Variants in PAFAH1B1 observed in about 807,000 individuals in gnomAD.
The protein encoded by PAFAH1B1 is platelet-activating factor acetylhydrolase IB subunit beta.
PAFAH1B1 carries 2 observed loss-of-function variants against 57.5 expected under a neutral mutation model. That is an observed-to-expected ratio of 0.03 (90% CI 0.01 to 0.11). The LOEUF is 0.11. PAFAH1B1 is among the 10% of genes least tolerant of loss of function. The pLI, the probability that PAFAH1B1 is intolerant of heterozygous loss-of-function variation, is 1.00. For synonymous variants in PAFAH1B1, 152 were observed against 169.6 expected (o/e 0.90, Z 0.81); for missense variants, 257 against 512.0 (o/e 0.50, Z 4.81).
At chr17:2,616,283 A>G (rs749496500) in intron 1 of PAFAH1B1, among the ~76,000 whole-genome samples, 1 of 152,162 alleles carries the variant, frequency 6.6e-6, no homozygotes, top group Non-Finnish European at 1.5e-5. Flanking sequence ...GAAGAATACT[A>G]CTGCTGGAGT....
chr17:2,663,319 A>T (rs2069046101), intron 2 of PAFAH1B1, among the ~76,000 whole-genome samples: 1 of 152,174 alleles, frequency 6.6e-6, no homozygotes, highest in Admixed American at 6.6e-5. Flanking sequence ...AACAACTGAG[A>T]TTAGTAGCAA....
At position 2,621,607 on chromosome 17, in the gene PAFAH1B1, CTTTTTTTTTTTTTT is replaced by C. The variant is rs534219431; in HGVS notation, c.-190-16469_-190-16456del. Among the ~76,000 whole-genome samples, 207 of 84,776 alleles carry C rather than the reference CTTTTTTTTTTTTTT, an allele frequency of 2.4e-3. 7 individuals are homozygous for C. In the East Asian group the frequency reaches 0.024, roughly 10 times the overall value. 55.6% of individuals were successfully genotyped at this position (84,776 alleles called of 152,430 possible). A position where few individuals can be genotyped will look rare whatever the true frequency, so the allele number is the denominator to read the frequency against. ...TATTCAAGCATGGTAGATAATCTGT[CTTTTTTTTTTTTTT>C]TTTTTTTTTTTTTTTTTTTTTTGAG... On this transcript the variant is annotated intron_variant, in intron 1 of 10. Transcript: ENST00000397195.
At chr17:2,606,694 A>C (rs930817439) in intron 1 of PAFAH1B1, among the ~76,000 whole-genome samples, 1 of 148,734 alleles carries the variant, frequency 6.7e-6, no homozygotes, top group East Asian at 2.0e-4. Flanking sequence ...TTTGTTTTCT[A>C]TTTTTATTAG....
chr17:2,598,335 T>G (rs1030691461), intron 1 of PAFAH1B1, among the ~76,000 whole-genome samples: 1 of 152,160 alleles, frequency 6.6e-6, no homozygotes, highest in Admixed American at 6.6e-5. Flanking sequence ...ATTTTCAATA[T>G]CTTCCCATTG....
chr17:2,601,164 C>G (rs573277866), intron 1 of PAFAH1B1, among the ~76,000 whole-genome samples: 1 of 152,040 alleles, frequency 6.6e-6, no homozygotes, highest in Non-Finnish European at 1.5e-5. Flanking sequence ...GACTGAGTCT[C>G]GTTCTTGTCG....
intron 1 of PAFAH1B1, among the ~76,000 whole-genome samples, chr17:2,632,072 C>A (rs962286458): frequency 6.6e-6 from 1 of 152,050 alleles, no homozygotes; most frequent in Non-Finnish European, 1.5e-5. Context: ...TATTTTACTT[C>A]GATTTGATGT....
intron 1 of PAFAH1B1, among the ~76,000 whole-genome samples, chr17:2,629,303 A>G (rs1052901101): frequency 6.6e-6 from 1 of 152,050 alleles, no homozygotes; most frequent in Non-Finnish European, 1.5e-5. Flanking sequence ...CATTATTGTC[A>G]TTCAGTTCAA....
chr17:2,629,067 G>GT (rs970118840), intron 1 of PAFAH1B1, among the ~76,000 whole-genome samples: 1 of 151,874 alleles, frequency 6.6e-6, no homozygotes, highest in Non-Finnish European at 1.5e-5. Context: ...TTTGTACTGT[G>GT]TTTTTTTGTT....
At position 2,676,595 on chromosome 17, in the gene PAFAH1B1, C is replaced by A. The variant is rs138622703; in HGVS notation, c.991C>A (p.Leu331Ile). 47 of 1,598,422 alleles carry A rather than the reference C, an allele frequency of 2.9e-5. 1 individual carries two copies. In the South Asian group the frequency reaches 5.0e-4, roughly 17 times the overall value. The stretch of plus-strand genomic sequence containing the variant: ...GTGGGATGTCAGTACTGGCATGTGC[C>A]TTATGACCCTCGTAAGTTTGCATAA... ...KMWDVSTGMC[L>I]MTLVGHDNWV... Residue 331 changes from leucine to isoleucine, a missense_variant, in exon 9 of 11, where the codon CTT becomes ATT. By Grantham distance (5) the Leu-to-Ile change is conservative. Transcript: ENST00000397195.
intron 1 of PAFAH1B1, among the ~76,000 whole-genome samples, chr17:2,620,495 T>G (rs1003922558): frequency 6.6e-6 from 1 of 152,226 alleles, no homozygotes; most frequent in Non-Finnish European, 1.5e-5. Context: ...ATGTCTCTTT[T>G]CTGTTGGATG....
chr17:2,608,090 CTT>C (rs1005742407), intron 1 of PAFAH1B1, among the ~76,000 whole-genome samples: 1 of 146,874 alleles, frequency 6.8e-6, no homozygotes, highest in Non-Finnish European at 1.5e-5. Flanking sequence ...TTTTCTTTTT[CTT>C]TTTTTTTTGT....
chr17:2,650,299 G>A (rs1036860286), intron 2 of PAFAH1B1, among the ~76,000 whole-genome samples: 8 of 151,970 alleles, frequency 5.3e-5, no homozygotes, highest in African/African-American at 1.9e-4. Context: ...ATCACTTGAG[G>A]TCAGGAGTTC....
At chr17:2,661,313 T>C (rs1333380428) in intron 2 of PAFAH1B1, among the ~76,000 whole-genome samples, 1 of 152,230 alleles carries the variant, frequency 6.6e-6, no homozygotes, top group East Asian at 1.9e-4. Context: ...TGTAAGTCTT[T>C]AATCCATCTT....
chr17:2,600,317 T>C (rs185419294), intron 1 of PAFAH1B1, among the ~76,000 whole-genome samples: 4 of 151,992 alleles, frequency 2.6e-5, no homozygotes, highest in Admixed American at 1.3e-4. Context: ...TTCATGCCTG[T>C]AATCCCAGGA....
chr17:2,624,606 T>C (rs758901655), intron 1 of PAFAH1B1, among the ~76,000 whole-genome samples: 2 of 152,170 alleles, frequency 1.3e-5, no homozygotes, highest in Admixed American at 6.5e-5. Context: ...ATCGCAACAA[T>C]AGCACAGGAA....
At chr17:2,635,799 G>A (rs982529928) in intron 1 of PAFAH1B1, among the ~76,000 whole-genome samples, 2 of 151,586 alleles carry the variant, frequency 1.3e-5, no homozygotes, top group South Asian at 2.1e-4. Flanking sequence ...GCCCTACCTC[G>A]TTTTCACTCT....
rs1436866557 is a variant in PAFAH1B1, at chr17:2,655,181, A to ATGTGTGTG, written c.33-10190_33-10189insGTGTGTGT. ...TCATTTAAAAAATATATATATACAT[A>ATGTGTGTG]TATGTGTGTGTGTGTGTGTGTGTGT... On this transcript the variant is annotated intron_variant, in intron 2 of 10. Transcript: ENST00000397195. Among the ~76,000 whole-genome samples the ATGTGTGTG allele has an allele frequency of 4.2e-3, 516 of 122,722 alleles. 3 individuals carry two copies. Among genetic ancestry groups the ATGTGTGTG allele is most frequent in the African/African-American group, 0.016 (483 of 30,304 alleles). 80.5% of individuals were successfully genotyped at this position (122,722 alleles called of 152,430 possible).
At chr17:2,607,378 T>C (rs926474629) in intron 1 of PAFAH1B1, among the ~76,000 whole-genome samples, 12 of 151,804 alleles carry the variant, frequency 7.9e-5, no homozygotes, top group African/African-American at 2.9e-4. Context: ...GGTTTCACCA[T>C]GTTGGCCAGG....
At chr17:2,609,436 C>T (rs991736078) in intron 1 of PAFAH1B1, 2 of 152,056 alleles carry the variant, frequency 1.3e-5, no homozygotes, top group Non-Finnish European at 2.9e-5. Context: ...GATGATGTTT[C>T]TTTCAAAAAT....
Sources: allele counts gnomAD v4.1 joint callset (sites outside exome capture counted in the v4.1 genomes callset), GRCh38; gene constraint gnomAD v4.1.1; transcripts MANE v1.5; gene names NCBI Gene and HGNC (gene_info 2026-07-23, HGNC 2026-07-21).